The following BCL9 variants were observed in gnomAD, a reference collection of about 807,000 sequenced individuals.
BCL9 encodes the protein BCL9 transcription coactivator, also known as B-cell CLL/lymphoma 9 protein.
In BCL9, 25 loss-of-function variants were observed where a neutral mutation model predicts 88.5. That is an observed-to-expected ratio of 0.28 (90% CI 0.21 to 0.39). The LOEUF (loss-of-function observed/expected upper bound fraction) is 0.39, where lower values mean the gene tolerates loss of function less well. Among genes scored for constraint, BCL9 ranks in the 10% least tolerant of loss-of-function variants. The pLI, the probability that BCL9 is intolerant of heterozygous loss-of-function variation, is 1.00. For missense variants in BCL9, 1,817 were observed against 1,877.8 expected, an observed-to-expected ratio of 0.97 and a Z score of 0.60; for synonymous variants, 711 against 673.3, an observed-to-expected ratio of 1.06 and a Z score of -0.87.
intron 1 of BCL9, among the ~76,000 whole-genome samples, chr1:147,592,510 C>G (rs10793693): frequency 0.21 from 32,398 of 152,078 alleles, 4,989 homozygotes; most frequent in African/African-American, 0.41. Context: ...TAAAATGAAA[C>G]AAGGCTAACC....
chr1:147,571,900 G>T (rs1025950662), intron 1 of BCL9, among the ~76,000 whole-genome samples: 9 of 152,136 alleles, frequency 5.9e-5, no homozygotes, highest in Non-Finnish European at 1.3e-4. Context: ...CTATGCATTT[G>T]ATCCACATAC....
At chr1:147,550,239 G>A (rs187529369) in intron 1 of BCL9, among the ~76,000 whole-genome samples, 3 of 152,252 alleles carry the variant, frequency 2.0e-5, no homozygotes, top group Admixed American at 6.5e-5. Context: ...TAGAGCGGTT[G>A]TCACTTGGTA....
At chr1:147,577,117 T>C (rs915197476) in intron 1 of BCL9, among the ~76,000 whole-genome samples, 1 of 152,168 alleles carries the variant, frequency 6.6e-6, no homozygotes, top group Non-Finnish European at 1.5e-5. Flanking sequence ...TTAAAATAAT[T>C]GAATTGCATT....
intron 1 of BCL9, among the ~76,000 whole-genome samples, chr1:147,580,313 AAC>A (rs1468517531): frequency 6.6e-6 from 1 of 152,214 alleles, no homozygotes; most frequent in African/African-American, 2.4e-5. Flanking sequence ...GAAGACACCT[AAC>A]ACACATCTGA....
Position 147,620,568 on chromosome 1 carries a change from G to A in BCL9, c.2413G>A (p.Gly805Arg), listed in dbSNP as rs1658570194. The A allele has an allele frequency of 6.2e-7, 1 of 1,613,870 alleles. No individual in the cohort carries two copies. ...CTTGCGGAATCTCAGAGAACCAATT[G>A]GGCCCGACCAGAGGACTAACAGCCG... ...SGLRNLREPI[G>R]PDQRTNSRLS... The change falls in exon 8 of 10, where the codon GGG becomes AGG. Residue 805 changes from glycine to arginine, a missense_variant. By Grantham distance (125) the Gly-to-Arg change is moderately radical. Transcript: ENST00000234739.
intron 1 of BCL9, among the ~76,000 whole-genome samples, chr1:147,559,028 G>A (rs879985312): frequency 7.2e-5 from 11 of 151,772 alleles, no homozygotes; most frequent in Middle Eastern, 6.8e-3. Flanking sequence ...TTGGACTTTT[G>A]TAATTTTTAT....
intron 1 of BCL9, among the ~76,000 whole-genome samples, chr1:147,544,246 G>T (rs1202733688): frequency 1.3e-5 from 2 of 152,128 alleles, no homozygotes; most frequent in East Asian, 3.9e-4. Flanking sequence ...GCATAGAGTT[G>T]CATAAGTTAT....
rs1233509630 is a variant in BCL9, at chr1:147,606,877, T to G, written c.-260+11T>G. 1 of 152,616 alleles carries G rather than the reference T, an allele frequency of 6.6e-6. No homozygotes were observed. The highest frequency in any genetic ancestry group is 1.5e-5 in the Non-Finnish European group (1 of 68,038). 9.5% of individuals were successfully genotyped at this position (152,616 alleles called of 1,614,324 possible). On this transcript the variant is annotated intron_variant, in intron 3 of 9. Coordinates refer to ENST00000234739, the MANE Select transcript of BCL9 (RefSeq NM_004326.4). ...ACCCTTGGGGTTTTGGTGAGTACAC[T>G]GATGGCTGATAGCACTGGAGCACAC... is the stretch of plus-strand genomic sequence containing the variant.
intron 1 of BCL9, among the ~76,000 whole-genome samples, chr1:147,583,553 C>G (rs1656463167): frequency 6.6e-6 from 1 of 151,830 alleles, no homozygotes. Context: ...GCTGGAATTA[C>G]AGGCGTGAGC....
chr1:147,567,254 T>A (rs1293774181), intron 1 of BCL9, among the ~76,000 whole-genome samples: 1 of 152,170 alleles, frequency 6.6e-6, no homozygotes, highest in East Asian at 1.9e-4. Context: ...TACGAGTGAA[T>A]TCGTGGACTG....
intron 9 of BCL9, 56 bp from the exon 10 acceptor site, chr1:147,623,786 T>C (rs781935595): frequency 8.5e-6 from 13 of 1,532,932 alleles, no homozygotes; most frequent in Non-Finnish European, 1.1e-5. Flanking sequence ...TTTATTATAG[T>C]TTTTCTGAGT....
intron 2 of BCL9, among the ~76,000 whole-genome samples, 192 bp downstream of exon 2, chr1:147,605,103 A>G (rs1242952676): frequency 2.0e-5 from 3 of 152,252 alleles, no homozygotes; most frequent in African/African-American, 7.2e-5. Flanking sequence ...TTCTGTGAGC[A>G]GGGACTTGTA....
chr1:147,612,186 T>G (rs1184558440), intron 4 of BCL9, among the ~76,000 whole-genome samples: 1 of 152,164 alleles, frequency 6.6e-6, no homozygotes, highest in Non-Finnish European at 1.5e-5. Context: ...ACAGTTTGCC[T>G]AAGTTTGCAA....
intron 1 of BCL9, among the ~76,000 whole-genome samples, chr1:147,579,785 C>T (rs762090307): frequency 7.2e-5 from 11 of 152,186 alleles, no homozygotes; most frequent in Non-Finnish European, 1.3e-4. Context: ...ATTATCCCAA[C>T]GGCACTCACA....
Position 147,613,066 on chromosome 1 carries a change from A to G in BCL9, c.237A>G (p.Pro79=), listed in dbSNP as rs1553202937. ...GGHTPKALPG[P]GGSMGLKNGA... Reference sequence around the variant, plus strand: ...ATACCCCTAAAGCACTCCCTGGCCCAGGTGGGAGCATGGGGCTGAAGAATG... The same window carrying G: ...ATACCCCTAAAGCACTCCCTGGCCCGGGTGGGAGCATGGGGCTGAAGAATG... The change falls in exon 5 of 10, where the codon CCA becomes CCG. Residue 79 remains proline (P), a synonymous_variant. Transcript: ENST00000234739. 3 of 1,613,474 alleles carry G rather than the reference A, an allele frequency of 1.9e-6. No individual in the cohort carries two copies. Among genetic ancestry groups the G allele is most frequent in the Admixed American group, 1.7e-5 (1 of 59,970 alleles).
At chr1:147,618,711 T>C (rs1570913546) in intron 7 of BCL9, 105 bp from the exon 8 acceptor site, 24 of 1,140,336 alleles carry the variant, frequency 2.1e-5, no homozygotes, top group Non-Finnish European at 2.7e-5. Flanking sequence ...CAGTGTCAGT[T>C]AGATTTATGT....
intron 2 of BCL9, among the ~76,000 whole-genome samples, chr1:147,605,595 A>G (rs942954847): frequency 4.6e-5 from 7 of 152,242 alleles, no homozygotes; most frequent in African/African-American, 1.4e-4. Context: ...TTTTTACCCC[A>G]TGAGTACTAA....
chr1:147,601,876 G>A (rs868984998), intron 1 of BCL9, among the ~76,000 whole-genome samples: 1 of 152,072 alleles, frequency 6.6e-6, no homozygotes, highest in Non-Finnish European at 1.5e-5. Flanking sequence ...AAGAGAAATT[G>A]TATTTTATTT....
rs1276516101 is a variant in BCL9 at position 147,606,803 on chromosome 1, A to G, written c.-323A>G. On this transcript the variant is annotated 5_prime_UTR_variant, in exon 3 of 10. Coordinates refer to ENST00000234739, the MANE Select transcript of BCL9 (RefSeq NM_004326.4). ...GTCTAGACAAGGGTCATCTTTGAGA[A>G]GGGGGTTCCTGGACTCCTCACCTCC... 6.6e-6 allele frequency: 1 copy of G among 152,546 alleles called. No homozygotes were observed. The highest frequency in any genetic ancestry group is 6.6e-5 in the Admixed American group (1 of 15,264). 9.4% of individuals were successfully genotyped at this position (152,546 alleles called of 1,614,324 possible).
Sources: allele counts gnomAD v4.1 joint callset (sites outside exome capture counted in the v4.1 genomes callset), GRCh38; gene constraint gnomAD v4.1.1; transcripts MANE v1.5; gene names NCBI Gene and HGNC (gene_info 2026-07-23, HGNC 2026-07-21).